The following TTLL6 variants were observed in gnomAD, a reference collection of about 807,000 sequenced individuals.
TTLL6 encodes tubulin polyglutamylase TTLL6.
Under a neutral mutation model 96.4 loss-of-function variants are expected in TTLL6, and 75 were observed. The ratio of observed to expected loss-of-function variants is 0.78; its 90% confidence interval spans 0.65 to 0.94. The LOEUF is 0.94. Ranked by LOEUF, TTLL6 falls within the 40% of genes least tolerant of loss-of-function variation. TTLL6 has a pLI of 0.00. For missense variants in TTLL6, 1,030 were observed against 1,093.0 expected (o/e 0.94, Z 0.81); for synonymous variants, 411 against 419.4 (o/e 0.98, Z 0.24).
intron 1 of TTLL6, among the ~76,000 whole-genome samples, chr17:48,814,609 G>C (rs1426743130): frequency 1.3e-5 from 2 of 152,136 alleles, no homozygotes; most frequent in Non-Finnish European, 2.9e-5. Flanking sequence ...GGCCACCAGG[G>C]GGAGGGAATG....
intron 13 of TTLL6, among the ~76,000 whole-genome samples, chr17:48,784,435 G>T (rs1277046276): frequency 1.3e-5 from 2 of 151,902 alleles, no homozygotes; most frequent in Non-Finnish European, 2.9e-5. Flanking sequence ...CAGAGGAGAA[G>T]CACAGAGAAG....
chr17:48,769,707 C>T lies in TTLL6; in HGVS notation c.2410+21G>A, dbSNP rs770820432. The T allele has an allele frequency of 4.3e-6, 7 of 1,611,322 alleles. No individual in the cohort carries two copies. The South Asian group carries it at 6.6e-5, about 15-fold the overall frequency. On this transcript the variant is annotated intron_variant, in intron 14 of 15. Transcript: ENST00000393382. ...CTCCCCTTTAAGCTCCTGGCACATCCCTGTACACACTGGCACTCACGTGAC... is the reference window on the plus strand; with the variant it reads ...CTCCCCTTTAAGCTCCTGGCACATCTCTGTACACACTGGCACTCACGTGAC...
intron 1 of TTLL6, among the ~76,000 whole-genome samples, chr17:48,813,661 A>T (rs1011251367): frequency 2.6e-5 from 4 of 152,192 alleles, no homozygotes; most frequent in African/African-American, 9.7e-5. Flanking sequence ...AAGGGCTTGG[A>T]TCTCTCCAGA....
At position 48,784,901 on chromosome 17, in the gene TTLL6, C is replaced by T. The variant is rs749787060; in HGVS notation, c.2040+22G>A. 5 of 1,604,842 alleles carry T rather than the reference C, an allele frequency of 3.1e-6. No individual in the cohort carries two copies. The South Asian group carries it at 3.3e-5, about 11-fold the overall frequency. ...AAGCAAGACTCCCACCACTCCCTCCCAGAGCTCGGCTCACTACTTACCACA... is the reference window on the plus strand; with the variant it reads ...AAGCAAGACTCCCACCACTCCCTCCTAGAGCTCGGCTCACTACTTACCACA... On this transcript the variant is annotated intron_variant, in intron 13 of 15. Coordinates refer to ENST00000393382, the MANE Select transcript of TTLL6 (RefSeq NM_001130918.3).
At chr17:48,765,190 T>C (rs886998668) in intron 15 of TTLL6, among the ~76,000 whole-genome samples, 3 of 151,992 alleles carry the variant, frequency 2.0e-5, no homozygotes, top group African/African-American at 7.3e-5. Flanking sequence ...AGCAAGAGGA[T>C]TGTTTGAGGG....
At chr17:48,780,801 G>A (rs919583256) in intron 13 of TTLL6, among the ~76,000 whole-genome samples, 4 of 152,118 alleles carry the variant, frequency 2.6e-5, no homozygotes, top group Admixed American at 6.5e-5. Flanking sequence ...GGTAAGTCCT[G>A]TTGTAGCATT....
intron 6 of TTLL6, 67 bp from the exon 7 acceptor site, chr17:48,797,271 C>T: frequency 6.8e-7 from 1 of 1,478,692 alleles, no homozygotes; most frequent in Non-Finnish European, 9.1e-7. Flanking sequence ...ATCACTAGCT[C>T]CCGCCTTGTT....
chr17:48,769,606 T>TC, intron 14 of TTLL6, 122 bp downstream of exon 14: 3 of 1,238,534 alleles, frequency 2.4e-6, no homozygotes, highest in Non-Finnish European at 3.4e-6. Flanking sequence ...GACTGGGGTT[T>TC]CCCTGAAGAC....
intron 10 of TTLL6, among the ~76,000 whole-genome samples, chr17:48,788,799 C>G (rs953492241): frequency 1.3e-5 from 2 of 152,180 alleles, no homozygotes; most frequent in Non-Finnish European, 2.9e-5. Flanking sequence ...CCTACCCGCT[C>G]CTTACAGGGA....
intron 15 of TTLL6, 67 bp downstream of exon 15, chr17:48,768,922 C>T: frequency 6.5e-7 from 1 of 1,532,872 alleles, no homozygotes; most frequent in East Asian, 2.3e-5. Flanking sequence ...ACCTACCCAA[C>T]ATTCCAGAAA....
intron 13 of TTLL6, among the ~76,000 whole-genome samples, chr17:48,774,233 G>GT (rs1218981467): frequency 6.3e-4 from 71 of 112,928 alleles, no homozygotes; most frequent in African/African-American, 8.9e-4. Flanking sequence ...CAGGTTTGTT[G>GT]TTTTTTTTTT....
Position 48,785,197 on chromosome 17 carries a change from A to G in TTLL6, c.1766T>C (p.Ile589Thr), listed in dbSNP as rs781226570. The G allele has an allele frequency of 2.5e-6, 4 of 1,613,958 alleles. No individual in the cohort carries two copies. The highest frequency in any genetic ancestry group is 3.4e-6 in the Non-Finnish European group (4 of 1,180,028). The part of the protein sequence containing the change: ...KAATQASKQY[I>T]QPLTLVSYTP... ...GTAGGATACTAATGTCAATGGCTGGATGTACTGAGGGAGGAAGAAACCACA... is the reference window on the plus strand; with the variant it reads ...GTAGGATACTAATGTCAATGGCTGGGTGTACTGAGGGAGGAAGAAACCACA... Residue 589 changes from isoleucine to threonine, a missense_variant, in exon 13 of 16, where the codon ATC becomes ACC. Coordinates refer to ENST00000393382, the MANE Select transcript of TTLL6 (RefSeq NM_001130918.3).
intron 1 of TTLL6, among the ~76,000 whole-genome samples, chr17:48,814,002 G>A (rs1441439932): frequency 6.6e-6 from 1 of 152,100 alleles, no homozygotes; most frequent in South Asian, 2.1e-4. Context: ...CAGACAAAGT[G>A]GACTAAGTGC....
At chr17:48,777,602 G>C (rs1351498196) in intron 13 of TTLL6, among the ~76,000 whole-genome samples, 1 of 152,078 alleles carries the variant, frequency 6.6e-6, no homozygotes, top group Non-Finnish European at 1.5e-5. Context: ...ATGGTGGCAG[G>C]CACCTGTAAT....
In TTLL6 at chr17:48,769,784, T is replaced by C; in HGVS notation, c.2354A>G (p.Lys785Arg). Residue 785 changes from lysine (K) to arginine (R), a missense_variant, in exon 14 of 16, where the codon AAG (lysine) becomes AGG (arginine). Coordinates refer to ENST00000393382, the MANE Select transcript of TTLL6 (RefSeq NM_001130918.3). ...GTAGTGAGCTGGGAAGAAGGAGAGC[T>C]TCCCACTCAGTTGAAGCTTGGTGAG... ...ELLTKLQLSG[K>R]LSFFPAHYNP... 6.2e-7 allele frequency: 1 copy of C among 1,614,252 alleles called. No individual in the cohort carries two copies. Among genetic ancestry groups the C allele is most frequent in the East Asian group, 2.2e-5 (1 of 44,890 alleles).
Position 48,804,827 on chromosome 17 carries a change from G to A in TTLL6, c.268C>T (p.Gln90Ter). Reference protein sequence around the residue: ...LAFVRENPGAQNGLQNAQQQG... With the variant: ...LAFVRENPGA ...TGCTGGGCATTCTGAAGTCCGTTTT[G>A]TGCCCCTGGGTTCTCTCTCACAAAA... Residue 90 changes from glutamine (Q) to a stop codon, truncating the protein, a stop_gained, in exon 2 of 16, where the codon CAA becomes TAA. Transcript: ENST00000393382. LOFTEE classifies it high-confidence loss of function. 1 of 1,552,216 alleles carries A rather than the reference G, an allele frequency of 6.4e-7. No homozygotes were observed. The highest frequency in any genetic ancestry group is 8.7e-7 in the Non-Finnish European group (1 of 1,147,134).
rs570684201 is a variant in TTLL6, at chr17:48,762,610, G to A, written c.*364C>T. On this transcript the variant is annotated 3_prime_UTR_variant, in exon 16 of 16. Coordinates refer to ENST00000393382, the MANE Select transcript of TTLL6 (RefSeq NM_001130918.3). Reference sequence around the variant, plus strand: ...AGGGCTTTTGACTCCTGGAAATCATGAGTCCTTCTCTGAAACACTACTCCC... The same window carrying A: ...AGGGCTTTTGACTCCTGGAAATCATAAGTCCTTCTCTGAAACACTACTCCC... 3.0e-5 allele frequency: 6 copies of A among 199,208 alleles called. No homozygotes were observed. Among genetic ancestry groups the A allele is most frequent in the Admixed American group, 2.3e-4 (4 of 17,504 alleles). The allele number at this position is 199,208 out of a possible 1,614,324, so 12.3% of individuals were successfully genotyped here.
intron 3 of TTLL6, among the ~76,000 whole-genome samples, chr17:48,802,623 C>G (rs1357464307): frequency 6.6e-6 from 1 of 152,252 alleles, no homozygotes; most frequent in African/African-American, 2.4e-5. Context: ...GTAATCCCAG[C>G]ACTTTGGGAT....
chr17:48,777,194 T>C (rs988893514), intron 13 of TTLL6, among the ~76,000 whole-genome samples: 1 of 152,204 alleles, frequency 6.6e-6, no homozygotes, highest in African/African-American at 2.4e-5. Context: ...TGAACATATA[T>C]ATGGGAAAAA....
Sources: allele counts gnomAD v4.1 joint callset (sites outside exome capture counted in the v4.1 genomes callset), GRCh38; gene constraint gnomAD v4.1.1; transcripts MANE v1.5; gene names NCBI Gene and HGNC (gene_info 2026-07-23, HGNC 2026-07-21).